The following VPS13C variants were observed in gnomAD, a reference collection of about 807,000 sequenced individuals.
VPS13C encodes intermembrane lipid transfer protein VPS13C.
Under a neutral mutation model 456.8 loss-of-function variants are expected in VPS13C, and 358 were observed. The ratio of observed to expected loss-of-function variants is 0.78; its 90% CI spans 0.72 to 0.86. The LOEUF (loss-of-function observed/expected upper bound fraction) is 0.86. Among genes scored for constraint, VPS13C ranks in the 40% least tolerant of loss-of-function variants. The pLI, the probability that VPS13C is intolerant of heterozygous loss-of-function variation, is 0.00. For missense variants in VPS13C, 4,818 were observed against 4,385.4 expected (o/e 1.10, Z -2.79); for synonymous variants, 1,578 against 1,486.7 (o/e 1.06, Z -1.41).
chr15:61,891,416 G>A (rs2042646610), intron 66 of VPS13C, among the ~76,000 whole-genome samples: 1 of 152,122 alleles, frequency 6.6e-6, no homozygotes, highest in African/African-American at 2.4e-5. Flanking sequence ...GGTACATTAT[G>A]TGATCAAAGA....
At position 61,922,740 on chromosome 15, in the gene VPS13C, G is replaced by A; in HGVS notation, c.6632C>T (p.Thr2211Ile). 1 of 1,593,532 alleles carries A rather than the reference G, an allele frequency of 6.3e-7. No homozygotes were observed. Among genetic ancestry groups the A allele is most frequent in the South Asian group, 1.2e-5 (1 of 86,434 alleles). The change falls in exon 54 of 85, where the codon ACT (threonine) becomes ATT (isoleucine). Residue 2211 changes from threonine (T) to isoleucine (I), a missense_variant. Coordinates refer to ENST00000644861, the MANE Select transcript of VPS13C (RefSeq NM_020821.3). ...IIKISPIILN[T>I]VLTIMAALSP... ...CAATGCAGCCATGATTGTCAACACA[G>A]TATTAAGAATTATGGGTGAAATCTT...
Position 61,949,558 on chromosome 15 carries a change from A to G in VPS13C, c.4644T>C (p.Leu1548=), listed in dbSNP as rs770791171. The change falls in exon 42 of 85, where the codon CTT becomes CTC. Residue 1548 remains leucine (L), a synonymous_variant. Coordinates refer to ENST00000644861, the MANE Select transcript of VPS13C (RefSeq NM_020821.3). ...CAGATGATAAAAAATCCATGAAGGA[A>G]AGTAAAGCTTCCAAATGAAGTACTA... The part of the protein sequence containing the change: ...LDLVLHLEAL[L]SFMDFLSSAA... 28 of 1,612,240 alleles carry G rather than the reference A, an allele frequency of 1.7e-5. No homozygotes were observed. Among genetic ancestry groups the G allele is most frequent in the Non-Finnish European group, 2.3e-5 (27 of 1,179,644 alleles).
chr15:61,890,639 C>T (rs1180558198), intron 66 of VPS13C, among the ~76,000 whole-genome samples: 1 of 152,172 alleles, frequency 6.6e-6, no homozygotes, highest in African/African-American at 2.4e-5. Flanking sequence ...GAATTACCTA[C>T]TGAGTGCTGA....
At chr15:62,047,165 C>T (rs1265809408) in intron 1 of VPS13C, among the ~76,000 whole-genome samples, 1 of 151,826 alleles carries the variant, frequency 6.6e-6, no homozygotes, top group African/African-American at 2.4e-5. Context: ...GTGGCTCACA[C>T]CTGTAATCCC....
At chr15:61,897,608 G>A (rs374934409) in intron 66 of VPS13C, among the ~76,000 whole-genome samples, 1 of 152,134 alleles carries the variant, frequency 6.6e-6, no homozygotes, top group African/African-American at 2.4e-5. Context: ...TATGTGAAAA[G>A]ACTAAATCTA....
chr15:61,869,933 T>G (rs908184517), intron 79 of VPS13C, among the ~76,000 whole-genome samples: 2 of 152,324 alleles, frequency 1.3e-5, no homozygotes, highest in South Asian at 2.1e-4. Flanking sequence ...ACTACTGATC[T>G]AGGAGTCTCA....
At chr15:61,951,259 A>G (rs1368477838) in intron 39 of VPS13C, among the ~76,000 whole-genome samples, 2 of 152,118 alleles carry the variant, frequency 1.3e-5, no homozygotes, top group African/African-American at 2.4e-5. Context: ...GGTATAACCT[A>G]TGGTACTACT....
Position 62,033,569 on chromosome 15 carries a change from A to T in VPS13C, c.284-27T>A, listed in dbSNP as rs1201167405. On this transcript the variant is annotated intron_variant, in intron 4 of 84. Transcript: ENST00000644861. ...TAAAAATATACAGTCAATTCACACAAAAATAAATGGAATTAATAAATAAAC... is the reference window on the plus strand; with the variant it reads ...TAAAAATATACAGTCAATTCACACATAAATAAATGGAATTAATAAATAAAC... 7 of 1,461,404 alleles carry T rather than the reference A, an allele frequency of 4.8e-6. No individual in the cohort carries two copies. In the Admixed American group the frequency reaches 6.0e-5, roughly 13 times the overall value. The allele number at this position is 1,461,404 out of a possible 1,614,324, so 90.5% of individuals were successfully genotyped here.
intron 5 of VPS13C, among the ~76,000 whole-genome samples, chr15:62,029,998 G>A (rs1017019793): frequency 3.3e-5 from 5 of 152,012 alleles, no homozygotes; most frequent in Non-Finnish European, 5.9e-5. Flanking sequence ...AAACATAGAC[G>A]AGCAATTCAG....
At chr15:62,047,170 A>T (rs1232239699) in intron 1 of VPS13C, among the ~76,000 whole-genome samples, 1 of 152,010 alleles carries the variant, frequency 6.6e-6, no homozygotes, top group East Asian at 1.9e-4. Flanking sequence ...TCACACCTGT[A>T]ATCCCAGCAC....
chr15:61,971,064 T>C lies in VPS13C; in HGVS notation c.2757+1561A>G, dbSNP rs545423545. Among the ~76,000 whole-genome samples the C allele has an allele frequency of 2.0e-5, 3 of 152,044 alleles. No individual in the cohort carries two copies. The East Asian group carries it at 5.8e-4, about 30-fold the overall frequency. ...AATAATGGCACATGATCAATACCTA[T>C]TGAAGGGATAGATGGAATATGGCTG... On this transcript the variant is annotated intron_variant, in intron 27 of 84. Transcript: ENST00000644861.
chr15:61,898,282 G>T (rs1265247654), intron 66 of VPS13C, among the ~76,000 whole-genome samples: 1 of 152,068 alleles, frequency 6.6e-6, no homozygotes, highest in Non-Finnish European at 1.5e-5. Context: ...TGGACTAAAT[G>T]TTCCAATTAA....
At position 61,946,303 on chromosome 15, in the gene VPS13C, T is replaced by A; in HGVS notation, c.4980+4A>T. On this transcript the variant is annotated splice_donor_region_variant and intron_variant, in intron 44 of 84. Coordinates refer to ENST00000644861, the MANE Select transcript of VPS13C (RefSeq NM_020821.3). ...TCCAATATAAAAATCTATTTTTTAA[T>A]CACCTTTTTGTGAATGGACTGCAAA... 3 of 1,568,510 alleles carry A rather than the reference T, an allele frequency of 1.9e-6. No individual in the cohort carries two copies. Among genetic ancestry groups the A allele is most frequent in the Non-Finnish European group, 1.7e-6 (2 of 1,163,750 alleles).
chr15:61,991,894 T>C (rs2046235283), intron 16 of VPS13C, 92 bp from the exon 17 acceptor site: 1 of 1,405,066 alleles, frequency 7.1e-7, no homozygotes, highest in African/African-American at 1.5e-5. Flanking sequence ...GGTTCTTTTT[T>C]TTTTTTTAAC....
Position 61,867,897 on chromosome 15 carries a change from G to A in VPS13C, c.10863+762C>T, listed in dbSNP as rs780107327. 20 of 1,605,516 alleles carry A rather than the reference G, an allele frequency of 1.2e-5. No individual in the cohort carries two copies. Among genetic ancestry groups the A allele is most frequent in the Non-Finnish European group, 1.7e-5 (20 of 1,175,820 alleles). ...ACAGTTTGTTTTGATTTTTAAGGAT[G>A]AAATCAAGTAGTAGTTTAGGAAACA... is the stretch of plus-strand genomic sequence containing the variant. On this transcript the variant is annotated intron_variant, in intron 81 of 84. Coordinates refer to ENST00000644861, the MANE Select transcript of VPS13C (RefSeq NM_020821.3). This position sits in a 1 kb window ranked among gnomAD's most constrained non-coding sequence, Gnocchi z 5.0.
intron 67 of VPS13C, among the ~76,000 whole-genome samples, chr15:61,887,563 T>C (rs949656920): frequency 6.6e-6 from 1 of 152,104 alleles, no homozygotes; most frequent in Non-Finnish European, 1.5e-5. Context: ...TGGTGGCACG[T>C]GCCTGTAGTC....
At chr15:61,941,649 T>C (rs940373650) in intron 46 of VPS13C, 114 bp downstream of exon 46, 1 of 1,142,660 alleles carries the variant, frequency 8.8e-7, no homozygotes, top group Non-Finnish European at 1.2e-6. Flanking sequence ...GTTTCATAAT[T>C]AGAAGAAATA....
chr15:62,005,321 C>G (rs972918111), intron 15 of VPS13C, among the ~76,000 whole-genome samples: 32 of 152,144 alleles, frequency 2.1e-4, no homozygotes, highest in Admixed American at 2.1e-3. Context: ...TCTGTTTTAT[C>G]AGAGACTAGG....
rs758834197 is a variant in VPS13C at position 61,856,381 on chromosome 15, T to G, written c.10981A>C (p.Ile3661Leu). 8.4e-5 allele frequency: 135 copies of G among 1,613,142 alleles called. 3 individuals carry two copies. In the South Asian group the frequency reaches 1.4e-3, roughly 17 times the overall value. ...CAGTCTACACACATAAGGCCCAGGATTTCAACTTCCTTTATACACAACACT... is the reference window on the plus strand; with the variant it reads ...CAGTCTACACACATAAGGCCCAGGAGTTCAACTTCCTTTATACACAACACT... ...RRVLCIKEVE[I>L]LGLMCVDWQC... Residue 3661 changes from isoleucine (I) to leucine (L), a missense_variant, in exon 83 of 85, where the codon ATC (isoleucine) becomes CTC (leucine). Ile to Leu is a conservative substitution (Grantham distance 5, BLOSUM62 2). This residue lies in a region of VPS13C where 261 missense variants were observed against 234.1 expected (regional missense o/e 1.11). Coordinates refer to ENST00000644861, the MANE Select transcript of VPS13C (RefSeq NM_020821.3).
Sources: gnomAD v4.1 joint callset for allele counts (sites outside exome capture counted in the v4.1 genomes callset) on GRCh38, gnomAD v4.1.1 for gene constraint, gnomAD v4.1.1 regional missense constraint, Gnocchi (gnomAD v3.1) non-coding constraint, MANE v1.5 for transcripts, NCBI Gene and HGNC (gene_info 2026-07-23, HGNC 2026-07-21) for gene names.